The following TTBK1 variants were observed in gnomAD, a reference collection of about 807,000 sequenced individuals.
TTBK1 encodes tau tubulin kinase 1.
A neutral mutation model predicts 108.5 loss-of-function variants in TTBK1; 34 were observed. That is an observed-to-expected ratio of 0.31 (90% CI 0.24 to 0.42). The LOEUF is 0.42. Ranked by LOEUF, TTBK1 falls within the 10% of genes least tolerant of loss-of-function variation. The pLI is 1.00. For synonymous variants in TTBK1, 809 were observed against 795.1 expected (o/e 1.02, Z -0.29); for missense variants, 1,539 against 1,826.0 (o/e 0.84, Z 2.86).
chr6:43,247,082 G>C (rs1777110350), intron 2 of TTBK1, among the ~76,000 whole-genome samples: 1 of 152,034 alleles, frequency 6.6e-6, no homozygotes. Flanking sequence ...GGAGGAGGAA[G>C]AGGGGTGGGG....
Position 43,263,181 on chromosome 6 carries a change from A to G in TTBK1, c.1817A>G (p.Glu606Gly). Residue 606 changes from glutamate to glycine, a missense_variant, in exon 13 of 15, where the codon GAG becomes GGG. Coordinates refer to ENST00000259750, the MANE Select transcript of TTBK1 (RefSeq NM_032538.3). The surrounding 1 kb of genome is among the most constrained non-coding windows in gnomAD (Gnocchi z 4.7). ...RGRSMQALAE[E>G]DLQHLPPQPL... ...CGCAGCATGCAGGCGCTGGCGGAGG[A>G]GGACCTGCAGCATTTGCCGCCCCAG... 1 of 1,579,466 alleles carries G rather than the reference A, an allele frequency of 6.3e-7. No homozygotes were observed. Among genetic ancestry groups the G allele is most frequent in the Non-Finnish European group, 8.6e-7 (1 of 1,162,276 alleles).
intron 1 of TTBK1, among the ~76,000 whole-genome samples, chr6:43,244,268 G>C (rs187735861): frequency 2.0e-5 from 3 of 151,034 alleles, no homozygotes; most frequent in African/African-American, 7.3e-5. Context: ...ATCACCCCTC[G>C]CTAGTCTCCA....
In TTBK1 at chr6:43,273,002, T is replaced by C. The variant is rs985946017; in HGVS notation, c.1986+9652T>C. On this transcript the variant is annotated intron_variant, in intron 13 of 14. Coordinates refer to ENST00000259750, the MANE Select transcript of TTBK1 (RefSeq NM_032538.3). The surrounding 1 kb of genome is among the most constrained non-coding windows in gnomAD (Gnocchi z 4.2). ...TTTAGTGGTGGCTTACAATTATTTG[T>C]GATTTTATTTAATAGCCACTGGCAC... 7.9e-5 allele frequency among the ~76,000 whole-genome samples: 12 copies of C among 152,210 alleles called. No individual in the cohort carries two copies. The highest frequency in any genetic ancestry group is 1.3e-4 in the Admixed American group (2 of 15,280).
rs1352812882 is a variant in TTBK1 at position 43,287,554 on chromosome 6, C to A, written c.*2178C>A. 1 of 152,260 alleles carries A rather than the reference C, an allele frequency of 6.6e-6. No individual in the cohort carries two copies. The highest frequency in any genetic ancestry group is 1.5e-5 in the Non-Finnish European group (1 of 68,074). 9.4% of individuals were successfully genotyped at this position (152,260 alleles called of 1,614,324 possible). A position where few individuals can be genotyped will look rare whatever the true frequency, so the allele number is the denominator to read the frequency against. On this transcript the variant is annotated 3_prime_UTR_variant, in exon 15 of 15. Coordinates refer to ENST00000259750, the MANE Select transcript of TTBK1 (RefSeq NM_032538.3). This position sits in a 1 kb window ranked among gnomAD's most constrained non-coding sequence, Gnocchi z 4.1. Reference sequence around the variant, plus strand: ...GTCTGCCCTTGGGATTCCAAACCTCCCTAGGGCTCCCAACTGACCTCAGGC... The same window carrying A: ...GTCTGCCCTTGGGATTCCAAACCTCACTAGGGCTCCCAACTGACCTCAGGC...
rs1019943166 is a variant in TTBK1 at position 43,276,930 on chromosome 6, C to A, written c.1987-5797C>A. ...CTGCTGGCAGTCTCCTTTCACTGAA[C>A]GGGTGGGGAGGGAAGGGGTGAGTGG... On this transcript the variant is annotated intron_variant, in intron 13 of 14. Coordinates refer to ENST00000259750, the MANE Select transcript of TTBK1 (RefSeq NM_032538.3). This position sits in a 1 kb window ranked among gnomAD's most constrained non-coding sequence, Gnocchi z 5.4. 6.6e-6 allele frequency among the ~76,000 whole-genome samples: 1 copy of A among 151,978 alleles called. No homozygotes were observed.
chr6:43,251,759 G>A (rs983154851), intron 2 of TTBK1, among the ~76,000 whole-genome samples: 2 of 152,198 alleles, frequency 1.3e-5, no homozygotes, highest in African/African-American at 2.4e-5. Flanking sequence ...GTCCCACCAC[G>A]CTCTCACAGT....
Position 43,269,961 on chromosome 6 carries a change from C to T in TTBK1, c.1986+6611C>T, listed in dbSNP as rs1181032910. On this transcript the variant is annotated intron_variant, in intron 13 of 14. Transcript: ENST00000259750. The surrounding 1 kb of genome is among the most constrained non-coding windows in gnomAD (Gnocchi z 4.8). ...CACCCACAAGACCTAGGCTGGGCCCCCCCCCTCCTGGAGGGGGCAGGTGGG... is the reference window on the plus strand; with the variant it reads ...CACCCACAAGACCTAGGCTGGGCCCTCCCCCTCCTGGAGGGGGCAGGTGGG... The T allele has an allele frequency of 7.0e-6, 10 of 1,434,724 alleles. No homozygotes were observed. The highest frequency in any genetic ancestry group is 2.9e-5 in the African/African-American group (2 of 69,036). 88.9% of individuals were successfully genotyped at this position (1,434,724 alleles called of 1,614,324 possible).
intron 13 of TTBK1, among the ~76,000 whole-genome samples, chr6:43,268,417 C>T (rs1777737658): frequency 6.6e-6 from 1 of 152,164 alleles, no homozygotes; most frequent in African/African-American, 2.4e-5. Flanking sequence ...AGAATGTTCT[C>T]CCTCTTCCCT....
chr6:43,270,597 C>T, intron 13 of TTBK1: 1 of 985,474 alleles, frequency 1.0e-6, no homozygotes, highest in Middle Eastern at 5.2e-4. Flanking sequence ...GAGTTCTCTC[C>T]TCACACATCT....
chr6:43,284,271 C>T lies in TTBK1; in HGVS notation c.3531C>T (p.Ser1177=). 1 of 1,590,794 alleles carries T rather than the reference C, an allele frequency of 6.3e-7. No individual in the cohort carries two copies. Among genetic ancestry groups the T allele is most frequent in the Non-Finnish European group, 8.5e-7 (1 of 1,174,068 alleles). ...CAGCCCAGCAGCCCGCCAGCAGATC[C>T]CATGGCGCGGCCCCAGCATTGGACA... ...PVAAQQPASR[S]HGAAPALDTA... The change falls in exon 14 of 15, where the codon TCC becomes TCT. Residue 1177 remains serine (S), a synonymous_variant. Coordinates refer to ENST00000259750, the MANE Select transcript of TTBK1 (RefSeq NM_032538.3).
rs184113285 is a variant in TTBK1, at chr6:43,259,295, T to C, written c.1248+26T>C. On this transcript the variant is annotated intron_variant, in intron 11 of 14. Transcript: ENST00000259750. The surrounding 1 kb of genome is among the most constrained non-coding windows in gnomAD (Gnocchi z 6.7). ...GTAACTGCCGCCAGGGCGAAGGGCGTGGGTGGCCTTTTCTCTCACCCCCGA... is the reference window on the plus strand; with the variant it reads ...GTAACTGCCGCCAGGGCGAAGGGCGCGGGTGGCCTTTTCTCTCACCCCCGA... 3,830 of 1,517,936 alleles carry C rather than the reference T, an allele frequency of 2.5e-3. 4 individuals are homozygous for C. The highest frequency in any genetic ancestry group is 3.1e-3 in the Non-Finnish European group (3,441 of 1,128,186). 94.0% of individuals were successfully genotyped at this position (1,517,936 alleles called of 1,614,324 possible).
At position 43,285,220 on chromosome 6, in the gene TTBK1, C is replaced by A. The variant is rs932181926; in HGVS notation, c.3810C>A (p.Val1270=). The A allele has an allele frequency of 3.7e-5, 48 of 1,304,226 alleles. No homozygotes were observed. The African/African-American group carries it at 4.7e-4, about 13-fold the overall frequency. The allele number at this position is 1,304,226 out of a possible 1,614,324, so 80.8% of individuals were successfully genotyped here. ...CCTCGCACCAGGCCCGGCCCGGGGT[C>A]CCCCCGCCCCGGGGCGTCCCGCCGG... ...PSPSHQARPG[V]PPPRGVPPAR... Residue 1270 remains valine, a synonymous_variant, in exon 15 of 15, where the codon GTC becomes GTA. Transcript: ENST00000259750. The surrounding 1 kb of genome is among the most constrained non-coding windows in gnomAD (Gnocchi z 4.7).
Position 43,253,209 on chromosome 6 carries a change from A to G in TTBK1, c.257-82A>G. 2 of 1,460,204 alleles carry G rather than the reference A, an allele frequency of 1.4e-6. No homozygotes were observed. The highest frequency in any genetic ancestry group is 1.9e-6 in the Non-Finnish European group (2 of 1,040,800). 90.5% of individuals were successfully genotyped at this position (1,460,204 alleles called of 1,614,324 possible). On this transcript the variant is annotated intron_variant, in intron 3 of 14. Coordinates refer to ENST00000259750, the MANE Select transcript of TTBK1 (RefSeq NM_032538.3). The surrounding 1 kb of genome is among the most constrained non-coding windows in gnomAD (Gnocchi z 5.8). ...CCAGCACTGGAGGGACCAGGAATCA[A>G]GAGTGCACTAGGAACCCATCTTAGG...
intron 13 of TTBK1, among the ~76,000 whole-genome samples, chr6:43,274,571 C>A (rs1293880589): frequency 6.6e-6 from 1 of 152,084 alleles, no homozygotes; most frequent in African/African-American, 2.4e-5. Context: ...GCTGTATCCT[C>A]TGCTGTCCTT....
At chr6:43,250,906 A>C (rs1166426782) in intron 2 of TTBK1, among the ~76,000 whole-genome samples, 1 of 152,202 alleles carries the variant, frequency 6.6e-6, no homozygotes, top group African/African-American at 2.4e-5. Flanking sequence ...ATCTCCCCAG[A>C]GTTTAAAGTA....
At chr6:43,262,721 C>T (rs918204260) in intron 12 of TTBK1, 68 bp from the exon 13 acceptor site, 11 of 1,424,978 alleles carry the variant, frequency 7.7e-6, no homozygotes, top group East Asian at 7.5e-5. Context: ...CCCACCCTGC[C>T]GCTGGCGTGG....
At position 43,263,305 on chromosome 6, in the gene TTBK1, C is replaced by T. The variant is rs1354518713; in HGVS notation, c.1941C>T (p.Pro647=). Reference sequence around the variant, plus strand: ...CCCACTCACCCCTGCACTCGGGACCCCGCCCTCGACGGAGAGAGTCGGACC... The same window carrying T: ...CCCACTCACCCCTGCACTCGGGACCTCGCCCTCGACGGAGAGAGTCGGACC... ...SPSHSPLHSG[P]RPRRRESDPT... The change falls in exon 13 of 15, where the codon CCC becomes CCT. Residue 647 remains proline, a synonymous_variant. Transcript: ENST00000259750. This position sits in a 1 kb window ranked among gnomAD's most constrained non-coding sequence, Gnocchi z 4.7. 5.4e-6 allele frequency: 8 copies of T among 1,486,712 alleles called. No homozygotes were observed. The Admixed American group carries it at 1.7e-4, about 32-fold the overall frequency. 92.1% of individuals were successfully genotyped at this position (1,486,712 alleles called of 1,614,324 possible).
chr6:43,285,726 C>A lies in TTBK1; in HGVS notation c.*350C>A. ...ATCGAGGACTCCACTTCTGGGGACG[C>A]CTGGTTCGTTCGCCCACCAGGCCTA... On this transcript the variant is annotated 3_prime_UTR_variant, in exon 15 of 15. Transcript: ENST00000259750. The surrounding 1 kb of genome is among the most constrained non-coding windows in gnomAD (Gnocchi z 4.7). The A allele has an allele frequency of 5.5e-6, 1 of 182,238 alleles. No individual in the cohort carries two copies. The highest frequency in any genetic ancestry group is 1.1e-5 in the Non-Finnish European group (1 of 87,672). 11.3% of individuals were successfully genotyped at this position (182,238 alleles called of 1,614,324 possible).
At chr6:43,280,613 C>A (rs1278758243) in intron 13 of TTBK1, among the ~76,000 whole-genome samples, 1 of 152,196 alleles carries the variant, frequency 6.6e-6, no homozygotes, top group East Asian at 1.9e-4. Context: ...AAGACCACTT[C>A]TTGAGGGAGT....
Sources: allele counts gnomAD v4.1 joint callset (sites outside exome capture counted in the v4.1 genomes callset), GRCh38; gene constraint gnomAD v4.1.1; non-coding constraint Gnocchi (gnomAD v3.1); transcripts MANE v1.5; gene names NCBI Gene and HGNC (gene_info 2026-07-23, HGNC 2026-07-21).